The following KCNJ3 variants were observed in gnomAD, a reference collection of about 807,000 sequenced individuals.
KCNJ3 encodes potassium inwardly rectifying channel subfamily J member 3, also known as G protein-activated inward rectifier potassium channel 1.
KCNJ3 carries 4 observed loss-of-function variants against 39.2 expected under a neutral mutation model. That is an observed-to-expected ratio of 0.10 (90% CI 0.05 to 0.23). The LOEUF is 0.23. KCNJ3 is among the 10% of genes least tolerant of loss of function. The pLI is 1.00. For synonymous variants in KCNJ3, 230 were observed against 237.4 expected (o/e 0.97, Z 0.29); for missense variants, 276 against 634.9 (o/e 0.43, Z 6.08).
chr2:154,748,875 C>G (rs1211937538), intron 2 of KCNJ3, among the ~76,000 whole-genome samples: 1 of 152,072 alleles, frequency 6.6e-6, no homozygotes, highest in Non-Finnish European at 1.5e-5. Context: ...GACATATTAA[C>G]AGTTATCTGT....
At chr2:154,800,904 G>A (rs763080829) in intron 2 of KCNJ3, among the ~76,000 whole-genome samples, 3 of 152,118 alleles carry the variant, frequency 2.0e-5, no homozygotes, top group Non-Finnish European at 2.9e-5. Context: ...AATTCTTGGC[G>A]GTACCATCGC....
intron 2 of KCNJ3, among the ~76,000 whole-genome samples, chr2:154,824,007 G>C (rs1328484926): frequency 6.6e-6 from 1 of 152,178 alleles, no homozygotes; most frequent in East Asian, 1.9e-4. Flanking sequence ...TTTGCAATGA[G>C]AAATTGAGAA....
chr2:154,816,499 A>G (rs1442432738), intron 2 of KCNJ3, among the ~76,000 whole-genome samples: 2 of 152,298 alleles, frequency 1.3e-5, no homozygotes, highest in Non-Finnish European at 2.9e-5. Context: ...GCTCATTTCT[A>G]TTTGGAAATA....
intron 2 of KCNJ3, among the ~76,000 whole-genome samples, chr2:154,783,169 C>T (rs1686469308): frequency 6.6e-6 from 1 of 151,776 alleles, no homozygotes; most frequent in East Asian, 1.9e-4. Context: ...AAAAGTGAAA[C>T]TCCATCTCAA....
intron 2 of KCNJ3, among the ~76,000 whole-genome samples, chr2:154,769,289 T>C (rs1347972431): frequency 3.3e-5 from 5 of 152,142 alleles, no homozygotes; most frequent in Non-Finnish European, 5.9e-5. Flanking sequence ...ATGCTTCCAG[T>C]TTTTGCCCAT....
chr2:154,716,071 C>T (rs1685174211), intron 2 of KCNJ3, among the ~76,000 whole-genome samples: 1 of 151,776 alleles, frequency 6.6e-6, no homozygotes, highest in African/African-American at 2.4e-5. Flanking sequence ...TAATAATGGA[C>T]ATAATTATTT....
chr2:154,853,026 T>G (rs1304982040), intron 2 of KCNJ3, among the ~76,000 whole-genome samples: 1 of 151,942 alleles, frequency 6.6e-6, no homozygotes, highest in Non-Finnish European at 1.5e-5. Context: ...CTCTACAGCT[T>G]ATTAGATCTG....
At chr2:154,847,923 C>T (rs767926536) in intron 2 of KCNJ3, among the ~76,000 whole-genome samples, 7 of 152,100 alleles carry the variant, frequency 4.6e-5, no homozygotes, top group Non-Finnish European at 1.0e-4. Flanking sequence ...GCTGATATGA[C>T]TTACTTACTG....
intron 2 of KCNJ3, among the ~76,000 whole-genome samples, chr2:154,771,038 C>CA (rs1272524747): frequency 5.3e-5 from 8 of 151,848 alleles, no homozygotes; most frequent in African/African-American, 1.9e-4. Flanking sequence ...TACAGGCACA[C>CA]ACCACCATGC....
At chr2:154,789,957 A>AT (rs1686597761) in intron 2 of KCNJ3, among the ~76,000 whole-genome samples, 1 of 152,106 alleles carries the variant, frequency 6.6e-6, no homozygotes, top group African/African-American at 2.4e-5. Flanking sequence ...ATGTATAATA[A>AT]TTTATAATGC....
At chr2:154,715,911 G>T (rs992274643) in intron 2 of KCNJ3, among the ~76,000 whole-genome samples, 6 of 151,886 alleles carry the variant, frequency 4.0e-5, no homozygotes, top group Non-Finnish European at 8.8e-5. Context: ...ACTATTATAG[G>T]CCCTAGTTTC....
At chr2:154,735,488 T>C (rs1199129375) in intron 2 of KCNJ3, among the ~76,000 whole-genome samples, 1 of 152,114 alleles carries the variant, frequency 6.6e-6, no homozygotes, top group East Asian at 1.9e-4. Context: ...TTTTACAGGG[T>C]AAGAATTGTT....
intron 2 of KCNJ3, among the ~76,000 whole-genome samples, chr2:154,773,531 G>C (rs1010323422): frequency 3.3e-5 from 5 of 152,080 alleles, no homozygotes; most frequent in Non-Finnish European, 5.9e-5. Context: ...GTGATATTTA[G>C]TTCCATGGTG....
At chr2:154,811,378 A>T (rs950401095) in intron 2 of KCNJ3, among the ~76,000 whole-genome samples, 1 of 151,992 alleles carries the variant, frequency 6.6e-6, no homozygotes, top group African/African-American at 2.4e-5. Flanking sequence ...TGTTCTGGGG[A>T]CAGTTTTCAG....
intron 2 of KCNJ3, among the ~76,000 whole-genome samples, chr2:154,789,874 AAG>A (rs1686596688): frequency 6.6e-6 from 1 of 152,114 alleles, no homozygotes; most frequent in Admixed American, 6.6e-5. Context: ...ATTTGCAACA[AAG>A]AGAATTTGAG....
At chr2:154,744,599 T>A (rs1382958552) in intron 2 of KCNJ3, among the ~76,000 whole-genome samples, 1 of 151,840 alleles carries the variant, frequency 6.6e-6, no homozygotes. Context: ...GTTGTCAAAC[T>A]TATATATGTA....
At chr2:154,801,750 C>A (rs565319467) in intron 2 of KCNJ3, among the ~76,000 whole-genome samples, 1 of 152,062 alleles carries the variant, frequency 6.6e-6, no homozygotes, top group Non-Finnish European at 1.5e-5. Flanking sequence ...CATGAGTCTC[C>A]CAAGTAGCTG....
intron 2 of KCNJ3, among the ~76,000 whole-genome samples, chr2:154,807,634 T>A (rs1239008961): frequency 1.3e-5 from 2 of 152,162 alleles, no homozygotes; most frequent in Non-Finnish European, 2.9e-5. Flanking sequence ...CTAGAGGTGG[T>A]GACAGGTGTT....
At chr2:154,798,681 TA>T (rs1686760927) in intron 2 of KCNJ3, among the ~76,000 whole-genome samples, 1 of 152,212 alleles carries the variant, frequency 6.6e-6, no homozygotes, top group Non-Finnish European at 1.5e-5. Flanking sequence ...TTAATATTTT[TA>T]AAAAGGTAGT....
Sources: allele counts gnomAD v4.1 joint callset (sites outside exome capture counted in the v4.1 genomes callset), GRCh38; gene constraint gnomAD v4.1.1; transcripts MANE v1.5; gene names NCBI Gene and HGNC (gene_info 2026-07-23, HGNC 2026-07-21).